The following PTPRD variants were observed in gnomAD, a reference collection of about 807,000 sequenced individuals.
PTPRD encodes receptor-type tyrosine-protein phosphatase delta.
In PTPRD, 34 loss-of-function variants were observed where a neutral mutation model predicts 214.5. That is an observed-to-expected ratio of 0.16 (90% CI 0.12 to 0.21). PTPRD has a LOEUF of 0.21. PTPRD is among the 10% of genes least tolerant of loss of function. The pLI is 1.00. For missense variants in PTPRD, 2,545 were observed against 2,398.7 expected (o/e 1.06, Z -1.27); for synonymous variants, 1,128 against 845.7 (o/e 1.33, Z -5.79).
chr9:10,460,275 A>G (rs2098948996), intron 2 of PTPRD, among the ~76,000 whole-genome samples: 1 of 152,154 alleles, frequency 6.6e-6, no homozygotes, highest in Non-Finnish European at 1.5e-5. Flanking sequence ...ATGGATCAGA[A>G]ACACTAACTG....
At chr9:9,544,529 A>T (rs985365718) in intron 8 of PTPRD, among the ~76,000 whole-genome samples, 1 of 151,688 alleles carries the variant, frequency 6.6e-6, no homozygotes, top group Non-Finnish European at 1.5e-5. Flanking sequence ...TGCTAAAAGC[A>T]GTTTGAGAAC....
chr9:10,414,756 C>G (rs2098471023), intron 2 of PTPRD, among the ~76,000 whole-genome samples: 1 of 151,808 alleles, frequency 6.6e-6, no homozygotes, highest in African/African-American at 2.4e-5. Context: ...TACTATGCAG[C>G]CATAAAAAGA....
intron 10 of PTPRD, among the ~76,000 whole-genome samples, chr9:9,077,104 T>G (rs991710453): frequency 6.6e-6 from 1 of 152,090 alleles, no homozygotes. Context: ...TGTCTTCTTT[T>G]GAAAAATGTC....
At chr9:9,686,976 A>C (rs561025867) in intron 7 of PTPRD, among the ~76,000 whole-genome samples, 218 of 151,878 alleles carry the variant, frequency 1.4e-3, no homozygotes, top group African/African-American at 5.1e-3. Context: ...CTTGCCAAAG[A>C]CTTCTACCTT....
At chr9:8,895,328 C>A (rs942567268) in intron 11 of PTPRD, among the ~76,000 whole-genome samples, 1 of 151,988 alleles carries the variant, frequency 6.6e-6, no homozygotes, top group African/African-American at 2.4e-5. Flanking sequence ...TTTTGGTTGC[C>A]AAAATAAAAA....
At chr9:10,076,516 A>G (rs1382607447) in intron 3 of PTPRD, among the ~76,000 whole-genome samples, 1 of 152,122 alleles carries the variant, frequency 6.6e-6, no homozygotes, top group Admixed American at 6.6e-5. Flanking sequence ...TCCATATGAT[A>G]AAACTCTATA....
At chr9:10,204,864 G>C (rs989179665) in intron 3 of PTPRD, among the ~76,000 whole-genome samples, 28 of 152,156 alleles carry the variant, frequency 1.8e-4, no homozygotes, top group South Asian at 8.3e-4. Context: ...AATACATCCA[G>C]GTACACAACA....
At chr9:9,171,519 T>C (rs566658268) in intron 10 of PTPRD, among the ~76,000 whole-genome samples, 2 of 151,922 alleles carry the variant, frequency 1.3e-5, no homozygotes, top group Non-Finnish European at 2.9e-5. Context: ...TTTGAAAGCA[T>C]TGACATCAAA....
At chr9:8,505,391 G>C (rs932618611) in intron 22 of PTPRD, among the ~76,000 whole-genome samples, 8 of 152,136 alleles carry the variant, frequency 5.3e-5, no homozygotes, top group African/African-American at 1.9e-4. Flanking sequence ...GGGAGGCCAA[G>C]GCGGGCGGAA....
chr9:9,325,930 T>C (rs905806171), intron 9 of PTPRD, among the ~76,000 whole-genome samples: 5 of 152,208 alleles, frequency 3.3e-5, no homozygotes, highest in Non-Finnish European at 5.9e-5. Flanking sequence ...CAAAGGCCTT[T>C]TCTGCTTCTA....
chr9:10,546,736 G>A (rs1391379647), intron 2 of PTPRD, among the ~76,000 whole-genome samples: 1 of 151,904 alleles, frequency 6.6e-6, no homozygotes, highest in Non-Finnish European at 1.5e-5. Context: ...CTATAGAAAG[G>A]GTTCTAGCAA....
intron 45 of PTPRD, among the ~76,000 whole-genome samples, chr9:8,318,824 C>T (rs1454815675): frequency 6.6e-6 from 1 of 151,998 alleles, no homozygotes; most frequent in Non-Finnish European, 1.5e-5. Context: ...GGAAAAATCA[C>T]AATTTACAGC....
chr9:10,078,164 A>C (rs565027893), intron 3 of PTPRD, among the ~76,000 whole-genome samples: 1 of 152,116 alleles, frequency 6.6e-6, no homozygotes, highest in African/African-American at 2.4e-5. Context: ...TTCTAAATAT[A>C]ATCAAATATC....
At chr9:10,202,273 G>T (rs2099429100) in intron 3 of PTPRD, among the ~76,000 whole-genome samples, 1 of 151,956 alleles carries the variant, frequency 6.6e-6, no homozygotes. Context: ...TACAGTCATA[G>T]CATCCTCAGA....
intron 8 of PTPRD, among the ~76,000 whole-genome samples, chr9:9,398,027 C>T (rs1191665866): frequency 6.6e-6 from 1 of 151,876 alleles, no homozygotes; most frequent in Non-Finnish European, 1.5e-5. Context: ...CTCATGCTAC[C>T]TTTCAAGTTT....
intron 11 of PTPRD, among the ~76,000 whole-genome samples, chr9:8,839,027 T>C (rs2097501686): frequency 6.6e-6 from 1 of 152,148 alleles, no homozygotes; most frequent in South Asian, 2.1e-4. Flanking sequence ...CAGCACCTTG[T>C]AACGAACTGC....
intron 4 of PTPRD, among the ~76,000 whole-genome samples, chr9:10,031,647 T>TACATACACACACACAC (rs1555494945): frequency 1.1e-5 from 1 of 89,690 alleles, no homozygotes; most frequent in African/African-American, 8.1e-5. Flanking sequence ...TATATATATA[T>TACATACACACACACAC]ACACACACAC....
chr9:8,340,922 C>T lies in PTPRD; in HGVS notation c.5126+168G>A, dbSNP rs545781608. On this transcript the variant is annotated intron_variant, in intron 41 of 45. Transcript: ENST00000381196. ...CAGATTAAACACTTCATAACTACTA[C>T]TCCTAACTCCTATCCAAAATAACAA... Among the ~76,000 whole-genome samples the T allele has an allele frequency of 1.8e-3, 274 of 152,246 alleles. 2 individuals are homozygous for T. Among genetic ancestry groups the T allele is most frequent in the African/African-American group, 5.9e-3 (246 of 41,564 alleles).
At chr9:10,331,613 T>C (rs1053705483) in intron 3 of PTPRD, among the ~76,000 whole-genome samples, 45 of 151,838 alleles carry the variant, frequency 3.0e-4, no homozygotes, top group African/African-American at 1.0e-3. Context: ...ACTATGCTTC[T>C]AGAATCCTGT....
Sources: allele counts gnomAD v4.1 joint callset (sites outside exome capture counted in the v4.1 genomes callset), GRCh38; gene constraint gnomAD v4.1.1; transcripts MANE v1.5; gene names NCBI Gene and HGNC (gene_info 2026-07-23, HGNC 2026-07-21).